The following R3HDM1 variants were observed in gnomAD, a reference collection of about 807,000 sequenced individuals.
R3HDM1 encodes the protein R3H domain-containing protein 1.
In R3HDM1, 46 loss-of-function variants were observed where a neutral mutation model predicts 141.1. That is an observed-to-expected ratio of 0.33 (90% CI 0.26 to 0.42). The LOEUF is 0.42. Ranked by LOEUF, R3HDM1 falls within the 10% of genes least tolerant of loss-of-function variation. R3HDM1 has a pLI of 1.00. For missense variants in R3HDM1, 1,184 were observed against 1,368.3 expected (o/e 0.87, Z 2.12); for synonymous variants, 435 against 472.9 (o/e 0.92, Z 1.04).
intron 1 of R3HDM1, among the ~76,000 whole-genome samples, chr2:135,543,645 A>G (rs1293023788): frequency 6.6e-6 from 1 of 152,224 alleles, no homozygotes; most frequent in Non-Finnish European, 1.5e-5. Flanking sequence ...TTGCAAGTTT[A>G]CATGATACCA....
chr2:135,566,870 G>C, intron 1 of R3HDM1: 1 of 609,166 alleles, frequency 1.6e-6, no homozygotes, highest in Non-Finnish European at 2.1e-6. Context: ...TACTTGGCAG[G>C]CTGGGGCAGA....
intron 1 of R3HDM1, among the ~76,000 whole-genome samples, chr2:135,534,733 A>G (rs1000295770): frequency 6.6e-6 from 1 of 152,248 alleles, no homozygotes; most frequent in African/African-American, 2.4e-5. Context: ...CTTACATGAC[A>G]GTAGCAATAG....
chr2:135,664,083 T>G (rs1223507434), intron 19 of R3HDM1, among the ~76,000 whole-genome samples: 1 of 151,950 alleles, frequency 6.6e-6, no homozygotes, highest in Admixed American at 6.6e-5. Flanking sequence ...TGTTTGTATG[T>G]GCCCTAGTGT....
chr2:135,718,447 G>A (rs1003864317), intron 24 of R3HDM1, among the ~76,000 whole-genome samples: 2 of 152,128 alleles, frequency 1.3e-5, no homozygotes, highest in Non-Finnish European at 2.9e-5. Context: ...TAGAAGTGAT[G>A]GAATTACCAG....
intron 23 of R3HDM1, among the ~76,000 whole-genome samples, chr2:135,710,815 T>A (rs891027087): frequency 6.6e-6 from 1 of 152,260 alleles, no homozygotes; most frequent in Non-Finnish European, 1.5e-5. Flanking sequence ...TATATATTAA[T>A]GTAACCAAAT....
intron 5 of R3HDM1, chr2:135,620,464 C>G: frequency 6.2e-6 from 6 of 965,750 alleles, no homozygotes; most frequent in Non-Finnish European, 6.2e-6. Context: ...AAGTGTTTGT[C>G]ATCCTAGTAA....
At chr2:135,582,129 A>G (rs1454235663) in intron 1 of R3HDM1, among the ~76,000 whole-genome samples, 1 of 152,174 alleles carries the variant, frequency 6.6e-6, no homozygotes, top group African/African-American at 2.4e-5. Context: ...GGAATTCGTT[A>G]CCAGCCTGGC....
intron 24 of R3HDM1, among the ~76,000 whole-genome samples, chr2:135,719,868 C>T (rs144492219): frequency 1.8e-4 from 27 of 150,868 alleles, no homozygotes; most frequent in African/African-American, 6.1e-4. Context: ...TGTTTCGAGA[C>T]GGAGTCTCGC....
chr2:135,635,072 C>A (rs1301244924), intron 9 of R3HDM1, among the ~76,000 whole-genome samples: 1 of 152,090 alleles, frequency 6.6e-6, no homozygotes, highest in Non-Finnish European at 1.5e-5. Context: ...ATTTCATAAT[C>A]GTTACTTTAG....
At chr2:135,635,783 A>T (rs2063189155) in intron 9 of R3HDM1, 107 bp from the exon 10 acceptor site, 2 of 1,374,872 alleles carry the variant, frequency 1.5e-6, no homozygotes, top group East Asian at 4.9e-5. Context: ...GGCACTAAAA[A>T]GTGGTAACTT....
chr2:135,608,450 A>T (rs1463742103), intron 3 of R3HDM1, among the ~76,000 whole-genome samples: 1 of 152,182 alleles, frequency 6.6e-6, no homozygotes, highest in Non-Finnish European at 1.5e-5. Context: ...CTTGTATAGA[A>T]CAGATTTAAT....
At chr2:135,588,063 A>C (rs1335816516) in intron 1 of R3HDM1, among the ~76,000 whole-genome samples, 27 of 132,794 alleles carry the variant, frequency 2.0e-4, no homozygotes, top group African/African-American at 3.7e-4. Context: ...TTATCTTTCT[A>C]CCTCCCTCCT....
chr2:135,638,521 T>C, intron 11 of R3HDM1, 97 bp from the exon 12 acceptor site: 1 of 1,257,710 alleles, frequency 8.0e-7, no homozygotes, highest in Non-Finnish European at 1.1e-6. Flanking sequence ...TTAACTTACA[T>C]TATTACACAT....
At chr2:135,577,147 A>G (rs1263361308) in intron 1 of R3HDM1, 1 of 979,126 alleles carries the variant, frequency 1.0e-6, no homozygotes, top group Non-Finnish European at 1.2e-6. Context: ...ACCTTTGTGT[A>G]TGAAAAAGGC....
intron 1 of R3HDM1, chr2:135,577,276 A>C: frequency 1.1e-6 from 1 of 934,798 alleles, no homozygotes; most frequent in Non-Finnish European, 1.3e-6. Flanking sequence ...ACACAAGCTG[A>C]CAAACTGGAA....
chr2:135,574,503 A>G (rs1022519893), intron 1 of R3HDM1, among the ~76,000 whole-genome samples: 1 of 152,268 alleles, frequency 6.6e-6, no homozygotes, highest in Middle Eastern at 3.2e-3. Context: ...AAACAAATAT[A>G]GTATTGATAC....
At chr2:135,548,686 C>G (rs1699247327) in intron 1 of R3HDM1, among the ~76,000 whole-genome samples, 2 of 151,970 alleles carry the variant, frequency 1.3e-5, no homozygotes, top group Middle Eastern at 3.4e-3. Flanking sequence ...AGTATATACT[C>G]TGTGTAGGGC....
In R3HDM1 at chr2:135,641,714, T is replaced by A. The variant is rs752602117; in HGVS notation, c.1398T>A (p.Pro466=). Residue 466 remains proline, a synonymous_variant, in exon 15 of 27, where the codon CCT becomes CCA. Coordinates refer to ENST00000683871, the MANE Select transcript of R3HDM1 (RefSeq NM_001378107.1). ...DGGLNGQVAS[P]STSFFLLPLE... is the part of the protein sequence containing the mutation. ...GCCTAAATGGGCAAGTCGCATCTCC[T>A]AGCACTAGCTTCTTTTTGCTTCCCT... 1 of 1,614,168 alleles carries A rather than the reference T, an allele frequency of 6.2e-7. No individual in the cohort carries two copies. Among genetic ancestry groups the A allele is most frequent in the Non-Finnish European group, 8.5e-7 (1 of 1,180,014 alleles).
At position 135,652,545 on chromosome 2, in the gene R3HDM1, C is replaced by T. The variant is rs147494160; in HGVS notation, c.2028+513C>T. Among the ~76,000 whole-genome samples, 65 of 152,264 alleles carry T rather than the reference C, an allele frequency of 4.3e-4. No individual in the cohort carries two copies. The East Asian group carries it at 0.012, about 28-fold the overall frequency. ...TATCCTTCTTATATATTGTGGGATT[C>T]AGTTTGCTAATATTTGTTAAAGATT... On this transcript the variant is annotated intron_variant, in intron 18 of 26. Transcript: ENST00000683871.
Sources: gnomAD v4.1 joint callset for allele counts (sites outside exome capture counted in the v4.1 genomes callset) on GRCh38, gnomAD v4.1.1 for gene constraint, MANE v1.5 for transcripts, NCBI Gene and HGNC (gene_info 2026-07-23, HGNC 2026-07-21) for gene names.